KIR3DL2: variants seen among roughly 807,000 people sequenced by gnomAD.
KIR3DL2 encodes killer cell immunoglobulin-like receptor 3DL2.
A neutral mutation model predicts 41.6 loss-of-function variants in KIR3DL2; 42 were observed. The ratio of observed to expected loss-of-function variants is 1.01; its 90% CI spans 0.79 to 1.31. The LOEUF (loss-of-function observed/expected upper bound fraction) is 1.31. KIR3DL2 is among the 50% of genes most tolerant of loss of function. The probability of loss-of-function intolerance (pLI) is 0.00; values close to 1 mark genes in which losing one functional copy is unlikely to be tolerated. For missense variants in KIR3DL2, 728 were observed against 576.8 expected (o/e 1.26, Z -2.68); for synonymous variants, 230 against 221.3 (o/e 1.04, Z -0.35).
chr19:54,851,427 GT>G (rs2064225797), intron 2 of KIR3DL2, among the ~76,000 whole-genome samples, 172 bp downstream of exon 2: 1 of 151,018 alleles, frequency 6.6e-6, no homozygotes, highest in African/African-American at 2.5e-5. Context: ...CCTTTCCTGA[GT>G]CAAGCTCTGT....
At position 54,851,230 on chromosome 19, in the gene KIR3DL2, G is replaced by C. The variant is rs2064201116; in HGVS notation, c.45G>C (p.Leu15Phe). 7.5e-6 allele frequency: 12 copies of C among 1,610,312 alleles called. No individual in the cohort carries two copies. The South Asian group carries it at 1.3e-4, about 18-fold the overall frequency. Residue 15 changes from leucine to phenylalanine, a missense_variant, in exon 2 of 9, where the codon TTG becomes TTC. Coordinates refer to ENST00000326321, the MANE Select transcript of KIR3DL2 (RefSeq NM_006737.4). ...GATCTTTCTTTCCAGGGTTCTTCTT[G>C]CTGCAGGGGGCCTGGCCACTCATGG... ...VVSMACVGFF[L>F]LQGAWPLMGG...
At chr19:54,851,962 T>A (rs773147131) in intron 2 of KIR3DL2, 36 bp from the exon 3 acceptor site, 2 of 1,600,240 alleles carry the variant, frequency 1.2e-6, no homozygotes, top group South Asian at 2.2e-5. Flanking sequence ...TGGCTCCACA[T>A]CCTCCTCTCT....
chr19:54,861,766 T>A (rs1305113984), intron 6 of KIR3DL2, among the ~76,000 whole-genome samples: 2 of 151,822 alleles, frequency 1.3e-5, no homozygotes, highest in Non-Finnish European at 2.9e-5. Flanking sequence ...CTTTATCTTA[T>A]CCATTAGAAA....
intron 7 of KIR3DL2, 148 bp from the exon 8 acceptor site, chr19:54,866,222 C>A: frequency 1.2e-6 from 1 of 805,486 alleles, no homozygotes; most frequent in Non-Finnish European, 2.0e-6. Flanking sequence ...GGGTCTTGAA[C>A]TCAGAGAGAT....
Position 54,866,397 on chromosome 19 carries a change from CG to C in KIR3DL2, c.1138del (p.Asp380ThrfsTer4), listed in dbSNP as rs760552743. The C allele has an allele frequency of 1.2e-6, 2 of 1,613,928 alleles. No homozygotes were observed. Among genetic ancestry groups the C allele is most frequent in the Non-Finnish European group, 1.7e-6 (2 of 1,179,952 alleles). On this transcript the variant is annotated frameshift_variant, in exon 8 of 9. Transcript: ENST00000326321. LOFTEE classifies it low-confidence loss of function (END_TRUNC). Reference protein sequence around the residue: ...KNAAVMDQEPAGDRTVNRQDS... With the variant: ...KNAAVMDQEPXGDRTVNRQDS... ...GCTGCTGTAATGGACCAAGAGCCTG[CG>C]GGGGACAGAACAGTGAATAGGCAGG...
At position 54,855,695 on chromosome 19, in the gene KIR3DL2, T is replaced by G. The variant is rs879133232; in HGVS notation, c.732T>G (p.Cys244Trp). The stretch of plus-strand genomic sequence containing the variant: ...CAGGAGAGAACGTGACCTTGTCCTG[T>G]AGCTCCTGGAGCTCCTATGACATCT... ...VQAGENVTLS[C>W]SSWSSYDIYH... The change falls in exon 5 of 9, where the codon TGT (cysteine) becomes TGG (tryptophan). Residue 244 changes from cysteine (C) to tryptophan (W), a missense_variant. Cys to Trp is a radical substitution (Grantham distance 215). Coordinates refer to ENST00000326321, the MANE Select transcript of KIR3DL2 (RefSeq NM_006737.4). The G allele has an allele frequency of 3.1e-6, 5 of 1,610,422 alleles. No homozygotes were observed. Among genetic ancestry groups the G allele is most frequent in the East Asian group, 2.2e-5 (1 of 44,882 alleles).
Position 54,866,853 on chromosome 19 carries a change from C to G in KIR3DL2, c.*122C>G, listed in dbSNP as rs535348637. 2.2e-4 allele frequency: 241 copies of G among 1,113,808 alleles called. No homozygotes were observed. The African/African-American group carries it at 2.4e-3, about 11-fold the overall frequency. The allele number at this position is 1,113,808 out of a possible 1,614,324, so 69.0% of individuals were successfully genotyped here. On this transcript the variant is annotated 3_prime_UTR_variant, in exon 9 of 9. Coordinates refer to ENST00000326321, the MANE Select transcript of KIR3DL2 (RefSeq NM_006737.4). ...TCCTCACACCACGAATCTGAACATGCCTCTCTCTTGCTTACAAATGCCTAA... is the reference window on the plus strand; with the variant it reads ...TCCTCACACCACGAATCTGAACATGGCTCTCTCTTGCTTACAAATGCCTAA...
At chr19:54,854,897 A>T (rs1200705218) in intron 4 of KIR3DL2, among the ~76,000 whole-genome samples, 21 of 151,762 alleles carry the variant, frequency 1.4e-4, no homozygotes, top group African/African-American at 4.9e-4. Context: ...AGAACTAGAG[A>T]GACTGAGAGG....
At chr19:54,857,914 C>A (rs1410707357) in intron 5 of KIR3DL2, among the ~76,000 whole-genome samples, 1 of 151,826 alleles carries the variant, frequency 6.6e-6, no homozygotes, top group Admixed American at 6.5e-5. Context: ...ATGAGTGATG[C>A]TGAGCACTTT....
chr19:54,852,580 T>TTTCATACTATAAATATACAGTC (rs2064371516), intron 3 of KIR3DL2, among the ~76,000 whole-genome samples: 32 of 139,506 alleles, frequency 2.3e-4, no homozygotes, highest in Non-Finnish European at 2.7e-4. Flanking sequence ...TGGACTGTCC[T>TTTCATACTATAAATATACAGTC]GCTGGGCTCA....
chr19:54,852,221 A>C lies in KIR3DL2; in HGVS notation c.294A>C (p.Ser98=), dbSNP rs2064327501. The C allele has an allele frequency of 6.2e-7, 1 of 1,611,518 alleles. No homozygotes were observed. Among genetic ancestry groups the C allele is most frequent in the Non-Finnish European group, 8.5e-7 (1 of 1,178,844 alleles). ...AHAGTYRCRG[S]RPHSLTGWSA... ...CAGGGACCTACAGATGTCGGGGTTC[A>C]CGCCCACACTCCCTCACTGGGTGGT... is the stretch of plus-strand genomic sequence containing the variant. The change falls in exon 3 of 9, where the codon TCA becomes TCC. Residue 98 remains serine (S), a synonymous_variant. Coordinates refer to ENST00000326321, the MANE Select transcript of KIR3DL2 (RefSeq NM_006737.4).
Position 54,851,996 on chromosome 19 carries a change from A to G in KIR3DL2, c.71-2A>G. The G allele has an allele frequency of 6.8e-6, 11 of 1,608,724 alleles. No homozygotes were observed. The highest frequency in any genetic ancestry group is 1.1e-5 in the South Asian group (1 of 91,016). Reference sequence around the variant, plus strand: ...CTAAGGCAGTGCCTCCTTCTCCCCCAGGTGGTCAGGACAAACCCTTCCTGT... The same window carrying G: ...CTAAGGCAGTGCCTCCTTCTCCCCCGGGTGGTCAGGACAAACCCTTCCTGT... On this transcript the variant is annotated splice_acceptor_variant, in intron 2 of 8. Coordinates refer to ENST00000326321, the MANE Select transcript of KIR3DL2 (RefSeq NM_006737.4). LOFTEE classifies it high-confidence loss of function.
chr19:54,852,380 A>C (rs549819420), intron 3 of KIR3DL2, 98 bp downstream of exon 3: 13 of 1,490,746 alleles, frequency 8.7e-6, no homozygotes, highest in Middle Eastern at 2.4e-4. Context: ...CCAGGCCCCA[A>C]CTGTATTTGG....
intron 3 of KIR3DL2, among the ~76,000 whole-genome samples, chr19:54,852,924 G>A (rs1226353469): frequency 2.0e-5 from 3 of 151,084 alleles, no homozygotes; most frequent in Non-Finnish European, 4.4e-5. Context: ...ACCGACACAG[G>A]AACCCAGGTC....
chr19:54,853,834 T>A lies in KIR3DL2; in HGVS notation c.443T>A (p.Val148Asp), dbSNP rs1167824124. Reference protein sequence around the residue: ...ETVILQCWSDVMFEHFFLHRE... With the variant: ...ETVILQCWSDDMFEHFFLHRE... The stretch of plus-strand genomic sequence containing the variant: ...GTCATCCTGCAATGTTGGTCAGATG[T>A]CATGTTTGAGCACTTCTTTCTGCAC... Residue 148 changes from valine to aspartate, a missense_variant, in exon 4 of 9, where the codon GTC (valine) becomes GAC (aspartate). Val to Asp is a radical substitution (Grantham distance 152, BLOSUM62 -3). Coordinates refer to ENST00000326321, the MANE Select transcript of KIR3DL2 (RefSeq NM_006737.4). The A allele has an allele frequency of 8.1e-6, 13 of 1,613,016 alleles. No individual in the cohort carries two copies. Among genetic ancestry groups the A allele is most frequent in the African/African-American group, 2.7e-5 (2 of 74,496 alleles).
In KIR3DL2 at chr19:54,866,942, C is replaced by G. The variant is rs781329008; in HGVS notation, c.*211C>G. 5 of 626,822 alleles carry G rather than the reference C, an allele frequency of 8.0e-6. No individual in the cohort carries two copies. In the South Asian group the frequency reaches 1.0e-4, roughly 13 times the overall value. The allele number at this position is 626,822 out of a possible 1,614,324, so 38.8% of individuals were successfully genotyped here. ...GCTTAGCCCACAAGTATCTATTTCA[C>G]TTGACCCCTGCCCACCTCTCCAACC... On this transcript the variant is annotated 3_prime_UTR_variant, in exon 9 of 9. Transcript: ENST00000326321.
At position 54,853,868 on chromosome 19, in the gene KIR3DL2, G is replaced by A. The variant is rs563415208; in HGVS notation, c.477G>A (p.Gly159=). The A allele has an allele frequency of 2.2e-5, 35 of 1,612,868 alleles. No homozygotes were observed. Among genetic ancestry groups the A allele is most frequent in the Admixed American group, 3.3e-5 (2 of 59,982 alleles). Residue 159 remains glycine (G), a synonymous_variant, in exon 4 of 9, where the codon GGG becomes GGA. Transcript: ENST00000326321. ...MFEHFFLHRE[G]ISEDPSRLVG... ...AGCACTTCTTTCTGCACAGAGAGGG[G>A]ATCTCTGAGGACCCCTCACGCCTCG...
At chr19:54,856,782 TCC>T (rs2064815138) in intron 5 of KIR3DL2, among the ~76,000 whole-genome samples, 3 of 151,912 alleles carry the variant, frequency 2.0e-5, no homozygotes, top group African/African-American at 4.9e-5. Flanking sequence ...CTTCATGAGA[TCC>T]ACCTTTTATC....
chr19:54,850,678 C>T (rs2064120484), intron 1 of KIR3DL2, among the ~76,000 whole-genome samples, 169 bp downstream of exon 1: 7 of 133,524 alleles, frequency 5.2e-5, no homozygotes, highest in Admixed American at 1.5e-4. Context: ...GAGATATGGG[C>T]CTGGAGGGGA....
Sources: allele counts gnomAD v4.1 joint callset (sites outside exome capture counted in the v4.1 genomes callset), GRCh38; gene constraint gnomAD v4.1.1; transcripts MANE v1.5; gene names NCBI Gene and HGNC (gene_info 2026-07-23, HGNC 2026-07-21).